Variants in MALRD1 observed in about 807,000 individuals in gnomAD.
MALRD1 encodes MAM and LDL receptor class A domain containing 1.
A neutral mutation model predicts 242.1 loss-of-function variants in MALRD1; 247 were observed. The observed-to-expected ratio is 1.02, with a 90% CI of 0.92 to 1.13. The LOEUF is 1.13. Among genes scored for constraint, MALRD1 ranks in the 50% most tolerant of loss-of-function variants. The probability of loss-of-function intolerance (pLI) is 0.00; values close to 1 mark genes in which losing one functional copy is unlikely to be tolerated. For synonymous variants in MALRD1, 995 were observed against 866.6 expected (o/e 1.15, Z -2.60); for missense variants, 2,989 against 2,533.1 (o/e 1.18, Z -3.86).
At chr10:19,629,258 A>G (rs1373938734) in intron 36 of MALRD1, among the ~76,000 whole-genome samples, 2 of 152,190 alleles carry the variant, frequency 1.3e-5, no homozygotes, top group African/African-American at 4.8e-5. Context: ...CAGGGAGGGC[A>G]TCCTCTAAGG....
chr10:19,450,160 A>G, intron 28 of MALRD1, 147 bp from the exon 29 acceptor site: 1 of 702,624 alleles, frequency 1.4e-6, no homozygotes, highest in Non-Finnish European at 2.3e-6. Flanking sequence ...AATTTGTAAG[A>G]TCACCTTTCA....
At chr10:19,470,212 C>G (rs1028325378) in intron 29 of MALRD1, among the ~76,000 whole-genome samples, 3 of 151,976 alleles carry the variant, frequency 2.0e-5, no homozygotes, top group African/African-American at 7.2e-5. Flanking sequence ...CTTTCTGTGT[C>G]TGGCATATTT....
chr10:19,602,912 A>C lies in MALRD1; in HGVS notation c.5945-4865A>C, dbSNP rs575948963. Among the ~76,000 whole-genome samples the C allele has an allele frequency of 1.4e-4, 22 of 152,090 alleles. No homozygotes were observed. In the East Asian group the frequency reaches 3.9e-3, roughly 27 times the overall value. The stretch of plus-strand genomic sequence containing the variant: ...TCTAACTGGTGTGAGATGGTATCTC[A>C]TTGTGGTTTTGATTTGCATTTCTCT... On this transcript the variant is annotated intron_variant, in intron 34 of 39. Transcript: ENST00000454679.
chr10:19,585,061 T>TAGAA (rs199689574), intron 33 of MALRD1, among the ~76,000 whole-genome samples: 3 of 151,484 alleles, frequency 2.0e-5, no homozygotes, highest in Non-Finnish European at 4.4e-5. Context: ...TGCCTTTTTT[T>TAGAA]GTTTTCCATT....
At chr10:19,187,911 G>A (rs1835808441) in intron 14 of MALRD1, among the ~76,000 whole-genome samples, 1 of 152,122 alleles carries the variant, frequency 6.6e-6, no homozygotes, top group Non-Finnish European at 1.5e-5. Flanking sequence ...GTGCAACATT[G>A]CCATGTAACA....
intron 36 of MALRD1, among the ~76,000 whole-genome samples, chr10:19,652,967 A>G (rs1241454397): frequency 2.6e-5 from 4 of 152,188 alleles, no homozygotes; most frequent in Non-Finnish European, 5.9e-5. Flanking sequence ...AGGAGGAATC[A>G]CCATGGGCAT....
intron 28 of MALRD1, among the ~76,000 whole-genome samples, chr10:19,441,704 T>G (rs1445099173): frequency 1.3e-5 from 2 of 152,180 alleles, no homozygotes; most frequent in Non-Finnish European, 2.9e-5. Flanking sequence ...TGTTTTTTGG[T>G]ACCAGTTCCA....
chr10:19,209,858 T>A (rs1643971351), intron 18 of MALRD1, among the ~76,000 whole-genome samples, 178 bp downstream of exon 18: 1 of 152,204 alleles, frequency 6.6e-6, no homozygotes, highest in African/African-American at 2.4e-5. Flanking sequence ...CCTCCTTGAC[T>A]ACCCCCAATG....
In MALRD1 at chr10:19,098,676, C is replaced by G. The variant is rs143026881; in HGVS notation, c.598-5303C>G. On this transcript the variant is annotated intron_variant, in intron 4 of 39. Coordinates refer to ENST00000454679, the MANE Select transcript of MALRD1 (RefSeq NM_001142308.3). Reference sequence around the variant, plus strand: ...AGTGTTTTTAATGTTTATACTCACTCTGAAGCAGCCTCGTTGTCTGGGGCT... The same window carrying G: ...AGTGTTTTTAATGTTTATACTCACTGTGAAGCAGCCTCGTTGTCTGGGGCT... 2.7e-3 allele frequency among the ~76,000 whole-genome samples: 417 copies of G among 152,254 alleles called. 2 individuals carry two copies. Among genetic ancestry groups the G allele is most frequent in the African/African-American group, 9.6e-3 (397 of 41,558 alleles).
intron 26 of MALRD1, among the ~76,000 whole-genome samples, chr10:19,369,459 G>A (rs1456469279): frequency 7.4e-5 from 11 of 147,978 alleles, no homozygotes. Context: ...TTAACATTGA[G>A]ATATAGTTTT....
chr10:19,534,977 C>G (rs146349778), intron 32 of MALRD1, among the ~76,000 whole-genome samples: 9 of 152,246 alleles, frequency 5.9e-5, no homozygotes, highest in African/African-American at 1.2e-4. Context: ...CCTCCGCCTC[C>G]CTGGTTCAAG....
At chr10:19,460,955 T>C (rs1188303024) in intron 29 of MALRD1, among the ~76,000 whole-genome samples, 1 of 152,190 alleles carries the variant, frequency 6.6e-6, no homozygotes, top group Non-Finnish European at 1.5e-5. Flanking sequence ...ATGTTGGTGC[T>C]ACAAGAATTA....
At chr10:19,211,117 C>A (rs1423682938) in intron 18 of MALRD1, among the ~76,000 whole-genome samples, 1 of 151,928 alleles carries the variant, frequency 6.6e-6, no homozygotes, top group East Asian at 1.9e-4. Flanking sequence ...GTGGATAAGC[C>A]CTTCTTATGA....
At chr10:19,288,603 G>T (rs1312333053) in intron 21 of MALRD1, among the ~76,000 whole-genome samples, 1 of 151,658 alleles carries the variant, frequency 6.6e-6, no homozygotes, top group African/African-American at 2.4e-5. Context: ...TATTTATTTT[G>T]GTATCTTCTC....
intron 4 of MALRD1, among the ~76,000 whole-genome samples, chr10:19,101,560 A>T (rs1228898441): frequency 1.5e-5 from 2 of 136,452 alleles, no homozygotes; most frequent in African/African-American, 5.3e-5. Context: ...AATATATAAT[A>T]TGTATATTGT....
intron 29 of MALRD1, among the ~76,000 whole-genome samples, chr10:19,455,236 A>T (rs1407482045): frequency 6.6e-6 from 1 of 152,230 alleles, no homozygotes; most frequent in African/African-American, 2.4e-5. Context: ...GTAGGAAGAC[A>T]ATTCATATTG....
chr10:19,626,294 A>AT (rs35740836), intron 36 of MALRD1, among the ~76,000 whole-genome samples: 94,775 of 134,332 alleles, frequency 0.71, 35,278 homozygotes, highest in Non-Finnish European at 0.83. Flanking sequence ...TAAAATCAAG[A>AT]TTTTTTTTTT....
chr10:19,113,816 C>CACACACACACAG (rs1223355569), intron 5 of MALRD1, among the ~76,000 whole-genome samples: 44 of 147,512 alleles, frequency 3.0e-4, no homozygotes, highest in African/African-American at 1.1e-3. Flanking sequence ...CACACACACA[C>CACACACACACAG]ACACACACAC....
At chr10:19,308,932 A>G (rs1340017604) in intron 21 of MALRD1, among the ~76,000 whole-genome samples, 3 of 151,604 alleles carry the variant, frequency 2.0e-5, no homozygotes, top group Non-Finnish European at 3.0e-5. Context: ...TGAGAGACTA[A>G]TATTATATTG....
Sources: gnomAD v4.1 joint callset for allele counts (sites outside exome capture counted in the v4.1 genomes callset) on GRCh38, gnomAD v4.1.1 for gene constraint, MANE v1.5 for transcripts, NCBI Gene and HGNC (gene_info 2026-07-23, HGNC 2026-07-21) for gene names.